The following DLG2 variants were observed in gnomAD, a reference collection of about 807,000 sequenced individuals.
DLG2 encodes discs large MAGUK scaffold protein 2, also known as disks large homolog 2.
Under a neutral mutation model 132.5 loss-of-function variants are expected in DLG2, and 45 were observed. The ratio of observed to expected loss-of-function variants is 0.34; its 90% CI spans 0.27 to 0.44. DLG2 has a LOEUF of 0.44. DLG2 is among the 20% of genes least tolerant of loss of function. DLG2 has a pLI of 1.00. For synonymous variants in DLG2, 424 were observed against 419.6 expected, an observed-to-expected ratio of 1.01 and a Z score of -0.13; for missense variants, 1,045 against 1,196.9, an observed-to-expected ratio of 0.87 and a Z score of 1.87.
intron 19 of DLG2, among the ~76,000 whole-genome samples, chr11:83,585,274 C>T (rs1048925274): frequency 4.6e-5 from 7 of 152,172 alleles, no homozygotes; most frequent in Admixed American, 4.6e-4. Context: ...AGTTCCCCAA[C>T]AGGATGGAGA....
intron 7 of DLG2, among the ~76,000 whole-genome samples, chr11:84,502,310 C>CT (rs2099217240): frequency 5.6e-4 from 2 of 3,590 alleles, no homozygotes; most frequent in Non-Finnish European, 1.0e-3. Flanking sequence ...TTCTTTCTTT[C>CT]TTTCTTTCTT....
chr11:85,424,174 G>A (rs894181667), intron 3 of DLG2, among the ~76,000 whole-genome samples: 16 of 152,120 alleles, frequency 1.1e-4, no homozygotes, highest in African/African-American at 3.9e-4. Context: ...CCATAATCAA[G>A]GCCTTCAGTT....
chr11:84,534,786 T>C (rs1489161871), intron 6 of DLG2, 55 bp from the exon 7 acceptor site: 3 of 1,580,580 alleles, frequency 1.9e-6, no homozygotes, highest in Non-Finnish European at 1.7e-6. Context: ...TTGTAAAGGA[T>C]ATAGACTGAA....
intron 7 of DLG2, among the ~76,000 whole-genome samples, chr11:84,479,119 A>G (rs150116817): frequency 6.6e-6 from 1 of 152,224 alleles, no homozygotes; most frequent in East Asian, 1.9e-4. Flanking sequence ...AATAATGATG[A>G]CATATATTTC....
chr11:85,546,202 A>G (rs1205348501), intron 3 of DLG2, among the ~76,000 whole-genome samples: 1 of 152,112 alleles, frequency 6.6e-6, no homozygotes, highest in Non-Finnish European at 1.5e-5. Flanking sequence ...CTTTGTTCTC[A>G]TTGGTTTCAA....
intron 18 of DLG2, among the ~76,000 whole-genome samples, chr11:83,758,868 A>C (rs1305367831): frequency 6.6e-6 from 1 of 152,144 alleles, no homozygotes. Flanking sequence ...GATATTTACC[A>C]TTTTGTAATA....
rs541054004 is a variant in DLG2 at position 84,988,165 on chromosome 11, G to C, written c.357+123496C>G. Among the ~76,000 whole-genome samples, 3 of 152,232 alleles carry C rather than the reference G, an allele frequency of 2.0e-5. No homozygotes were observed. In the South Asian group the frequency reaches 6.2e-4, roughly 32 times the overall value. ...AATGCTCAACGTCACTAATGATCAG[G>C]GAAATGCACACCAAAAACACAATTT... On this transcript the variant is annotated intron_variant, in intron 6 of 27. Transcript: ENST00000376104.
chr11:84,447,404 G>C (rs1010742401), intron 7 of DLG2, among the ~76,000 whole-genome samples: 11 of 152,056 alleles, frequency 7.2e-5, no homozygotes, highest in African/African-American at 2.7e-4. Context: ...TCAATATTAT[G>C]AAAAGAAGCC....
chr11:84,856,559 A>G (rs2082815858), intron 6 of DLG2, among the ~76,000 whole-genome samples: 1 of 152,082 alleles, frequency 6.6e-6, no homozygotes, highest in Admixed American at 6.6e-5. Flanking sequence ...ACTTATTTCC[A>G]TCTTTATCAC....
At chr11:83,813,757 A>G (rs117120567) in intron 17 of DLG2, among the ~76,000 whole-genome samples, 4,314 of 152,224 alleles carry the variant, frequency 0.028, 88 homozygotes, top group Middle Eastern at 0.082. Context: ...CAAGTGCTTT[A>G]TCAACAAAAA....
intron 6 of DLG2, among the ~76,000 whole-genome samples, chr11:84,925,189 G>A (rs971944860): frequency 6.6e-5 from 10 of 152,000 alleles, no homozygotes; most frequent in Admixed American, 2.0e-4. Flanking sequence ...AGTAGTTGCC[G>A]GGATATTTGG....
At chr11:84,612,094 TACA>T (rs2099596518) in intron 6 of DLG2, among the ~76,000 whole-genome samples, 1 of 152,168 alleles carries the variant, frequency 6.6e-6, no homozygotes, top group African/African-American at 2.4e-5. Flanking sequence ...TCTTTCCCTT[TACA>T]ACTTTTCTCA....
chr11:85,150,482 A>G (rs2077170018), intron 5 of DLG2, among the ~76,000 whole-genome samples: 1 of 152,038 alleles, frequency 6.6e-6, no homozygotes, highest in Admixed American at 6.6e-5. Flanking sequence ...AAACTATATA[A>G]CCAATAAACA....
intron 3 of DLG2, among the ~76,000 whole-genome samples, chr11:85,476,717 C>T (rs999969843): frequency 6.6e-6 from 1 of 152,032 alleles, no homozygotes; most frequent in Non-Finnish European, 1.5e-5. Flanking sequence ...TAGTCTGCCA[C>T]CTGCACATCT....
Position 84,521,542 on chromosome 11 carries a change from G to C in DLG2, c.519+13028C>G, listed in dbSNP as rs907341908. Among the ~76,000 whole-genome samples, 8 of 152,232 alleles carry C rather than the reference G, an allele frequency of 5.3e-5. No homozygotes were observed. The East Asian group carries it at 1.5e-3, about 29-fold the overall frequency. ...AGATGTAAGTCTAGTGATTCTATGA[G>C]GCTTCCTATTGGATATTGCGTTATC... On this transcript the variant is annotated intron_variant, in intron 7 of 27. Coordinates refer to ENST00000376104, the MANE Select transcript of DLG2 (RefSeq NM_001142699.3).
intron 8 of DLG2, among the ~76,000 whole-genome samples, chr11:84,218,796 T>C (rs1020228533): frequency 6.6e-6 from 1 of 152,210 alleles, no homozygotes; most frequent in African/African-American, 2.4e-5. Context: ...TTGGCATTAC[T>C]GACATTTAGT....
At chr11:84,295,265 T>C (rs2098074133) in intron 7 of DLG2, among the ~76,000 whole-genome samples, 1 of 152,178 alleles carries the variant, frequency 6.6e-6, no homozygotes, top group Non-Finnish European at 1.5e-5. Context: ...TATCTCCCTA[T>C]GTTATTTTGG....
intron 6 of DLG2, among the ~76,000 whole-genome samples, chr11:84,786,266 T>A (rs2072876508): frequency 6.6e-6 from 1 of 152,066 alleles, no homozygotes; most frequent in African/African-American, 2.4e-5. Context: ...ACCTGAAAAA[T>A]TAGAATAATA....
At chr11:84,185,548 T>G (rs577798556) in intron 8 of DLG2, among the ~76,000 whole-genome samples, 1 of 152,156 alleles carries the variant, frequency 6.6e-6, no homozygotes, top group Non-Finnish European at 1.5e-5. Context: ...CTTTTCCTAA[T>G]TGAATACCCT....
Sources: allele counts gnomAD v4.1 joint callset (sites outside exome capture counted in the v4.1 genomes callset), GRCh38; gene constraint gnomAD v4.1.1; transcripts MANE v1.5; gene names NCBI Gene and HGNC (gene_info 2026-07-23, HGNC 2026-07-21).